The following KYAT1 variants were observed in gnomAD, a reference collection of about 807,000 sequenced individuals.
The protein encoded by KYAT1 is kynurenine--oxoglutarate transaminase 1.
KYAT1 carries 47 observed loss-of-function variants against 52.4 expected under a neutral mutation model. That is an observed-to-expected ratio of 0.90 (90% CI 0.71 to 1.14). The LOEUF (loss-of-function observed/expected upper bound fraction) is 1.14, where lower values mean the gene tolerates loss of function less well. Ranked by LOEUF, KYAT1 falls within the 50% of genes most tolerant of loss-of-function variation. The pLI, the probability that KYAT1 is intolerant of heterozygous loss-of-function variation, is 0.00. For missense variants in KYAT1, 480 were observed against 557.9 expected (o/e 0.86, Z 1.41); for synonymous variants, 212 against 209.6 (o/e 1.01, Z -0.10).
At chr9:128,873,617 C>CA (rs1451043388) in intron 1 of KYAT1, among the ~76,000 whole-genome samples, 2 of 151,464 alleles carry the variant, frequency 1.3e-5, no homozygotes, top group African/African-American at 4.9e-5. Flanking sequence ...ACTAAAATTA[C>CA]AAAAAAAATT....
chr9:128,879,814 A>G (rs1359468495), intron 1 of KYAT1, among the ~76,000 whole-genome samples: 1 of 152,146 alleles, frequency 6.6e-6, no homozygotes. Context: ...TTCCGCCCTC[A>G]AAGTACTCAG....
chr9:128,855,832 T>C (rs763306278), intron 1 of KYAT1, among the ~76,000 whole-genome samples: 2 of 152,244 alleles, frequency 1.3e-5, no homozygotes, highest in South Asian at 2.1e-4. Context: ...ATGGGTCTTA[T>C]TGCAGTCACA....
intron 3 of KYAT1, among the ~76,000 whole-genome samples, chr9:128,842,361 C>T (rs1589652371): frequency 2.6e-5 from 4 of 152,198 alleles, no homozygotes; most frequent in Admixed American, 1.3e-4. Context: ...TCGTGCATCT[C>T]TCCAGCCCCC....
intron 11 of KYAT1, among the ~76,000 whole-genome samples, chr9:128,834,831 C>G (rs1267437591): frequency 3.9e-5 from 1 of 25,862 alleles, no homozygotes; most frequent in Non-Finnish European, 6.8e-5. Flanking sequence ...GACTCTGTCT[C>G]AAAAAAAAAA....
In KYAT1 at chr9:128,835,658, C is replaced by A; in HGVS notation, c.865G>T (p.Ala289Ser). Residue 289 changes from alanine (A) to serine (S), a missense_variant, in exon 10 of 13, where the codon GCC becomes TCC. Transcript: ENST00000302586. ...AGCTGCTCCCGTTCAAAGCTCTCGG[C>A]TACTGCAGCCTGGGCAGGGCAGATG... is the stretch of plus-strand genomic sequence containing the variant. Reference protein sequence around the residue: ...HCPTQSQAAVAESFEREQLLF... With the variant: ...HCPTQSQAAVSESFEREQLLF... The A allele has an allele frequency of 6.2e-7, 1 of 1,609,780 alleles. No homozygotes were observed. The highest frequency in any genetic ancestry group is 8.5e-7 in the Non-Finnish European group (1 of 1,179,598).
intron 11 of KYAT1, among the ~76,000 whole-genome samples, chr9:128,834,209 T>C (rs899709571): frequency 7.4e-4 from 112 of 152,016 alleles, no homozygotes; most frequent in African/African-American, 2.7e-3. Flanking sequence ...GTGAGCCAGA[T>C]TGCGCCACTT....
chr9:128,837,853 C>G, intron 5 of KYAT1, 40 bp from the exon 6 acceptor site: 3 of 1,610,404 alleles, frequency 1.9e-6, no homozygotes, highest in Non-Finnish European at 2.5e-6. Context: ...CACTTAACCA[C>G]CTGACATGCA....
At chr9:128,845,485 G>A (rs1012236898) in intron 1 of KYAT1, 74 bp from the exon 2 acceptor site, 45 of 1,420,604 alleles carry the variant, frequency 3.2e-5, no homozygotes, top group Non-Finnish European at 6.9e-6. Context: ...ACACAGGAGG[G>A]ACAGCTGCTT....
intron 3 of KYAT1, among the ~76,000 whole-genome samples, chr9:128,839,017 G>T (rs536729894): frequency 2.0e-5 from 3 of 151,996 alleles, no homozygotes; most frequent in African/African-American, 7.2e-5. Context: ...AGGCTGGAGT[G>T]CAGTGGCACA....
chr9:128,840,811 C>T (rs570003614), intron 3 of KYAT1: 26 of 296,310 alleles, frequency 8.8e-5, no homozygotes, highest in African/African-American at 2.0e-4. Flanking sequence ...CTGCCTCAGA[C>T]TCCCAAGTAG....
intron 1 of KYAT1, among the ~76,000 whole-genome samples, chr9:128,877,334 G>A (rs1226361979): frequency 6.6e-6 from 1 of 151,990 alleles, no homozygotes; most frequent in Non-Finnish European, 1.5e-5. Flanking sequence ...GTCCACCCAG[G>A]CCCTTTGCTG....
chr9:128,870,219 GA>G (rs1257557015), intron 1 of KYAT1, among the ~76,000 whole-genome samples: 3 of 151,990 alleles, frequency 2.0e-5, no homozygotes, highest in Non-Finnish European at 4.4e-5. Context: ...GCCAACAGGT[GA>G]AAAAAACCCA....
intron 1 of KYAT1, among the ~76,000 whole-genome samples, chr9:128,850,818 C>T (rs1588096268): frequency 6.6e-6 from 1 of 152,192 alleles, no homozygotes; most frequent in East Asian, 1.9e-4. Flanking sequence ...AGGAGAAAAA[C>T]CACCCTATGG....
chr9:128,835,099 T>G (rs899233037), intron 11 of KYAT1: 8 of 544,468 alleles, frequency 1.5e-5, no homozygotes, highest in Non-Finnish European at 2.3e-5. Flanking sequence ...ATCGCGCCAC[T>G]GCACTCCAGC....
intron 7 of KYAT1, among the ~76,000 whole-genome samples, chr9:128,836,477 T>A (rs145763371): frequency 1.3e-5 from 2 of 152,080 alleles, no homozygotes; most frequent in East Asian, 3.9e-4. Context: ...TTTTGTACTT[T>A]TAGTACAGAC....
intron 11 of KYAT1, 114 bp downstream of exon 11, chr9:128,835,209 G>T: frequency 1.2e-6 from 1 of 846,140 alleles, no homozygotes; most frequent in Non-Finnish European, 2.0e-6. Context: ...CTGCCCCAAG[G>T]TTGACGGCAG....
At chr9:128,863,002 T>C (rs1835673812) in intron 1 of KYAT1, among the ~76,000 whole-genome samples, 1 of 151,998 alleles carries the variant, frequency 6.6e-6, no homozygotes, top group South Asian at 2.1e-4. Context: ...TTTTTTTGTG[T>C]GTCTTTAGTA....
intron 1 of KYAT1, among the ~76,000 whole-genome samples, chr9:128,865,359 A>ATTT (rs776787253): frequency 2.6e-4 from 7 of 27,318 alleles, no homozygotes; most frequent in Admixed American, 5.6e-4. Context: ...ATATATATAT[A>ATTT]TTTTTTTTTT....
chr9:128,865,807 G>A (rs994934382), intron 1 of KYAT1, among the ~76,000 whole-genome samples: 1 of 152,076 alleles, frequency 6.6e-6, no homozygotes, highest in Non-Finnish European at 1.5e-5. Context: ...CCAGGGATGG[G>A]GAACTGACCC....
Sources: gnomAD v4.1 joint callset for allele counts (sites outside exome capture counted in the v4.1 genomes callset) on GRCh38, gnomAD v4.1.1 for gene constraint, MANE v1.5 for transcripts, NCBI Gene and HGNC (gene_info 2026-07-23, HGNC 2026-07-21) for gene names.